Variants in GYS2 observed in about 807,000 individuals in gnomAD.
GYS2 encodes the protein glycogen [starch] synthase, liver.
In GYS2, 80 loss-of-function variants were observed where a neutral mutation model predicts 85.6. That is an observed-to-expected ratio of 0.93 (90% CI 0.78 to 1.13). GYS2 has a LOEUF of 1.13. Ranked by LOEUF, GYS2 falls within the 50% of genes most tolerant of loss-of-function variation. The pLI, the probability that GYS2 is intolerant of heterozygous loss-of-function variation, is 0.00. For missense variants in GYS2, 881 were observed against 854.9 expected, an observed-to-expected ratio of 1.03 and a Z score of -0.38; for synonymous variants, 328 against 300.7, an observed-to-expected ratio of 1.09 and a Z score of -0.94.
chr12:21,578,690 A>G (rs1944473658), intron 2 of GYS2, among the ~76,000 whole-genome samples: 2 of 152,092 alleles, frequency 1.3e-5, no homozygotes, highest in Admixed American at 1.3e-4. Context: ...ACTTGTATCT[A>G]GTATTTGCAT....
Position 21,546,582 on chromosome 12 carries a change from A to G in GYS2, c.1423-112T>C, listed in dbSNP as rs1364463307. On this transcript the variant is annotated intron_variant, in intron 11 of 15. Transcript: ENST00000261195. Reference sequence around the variant, plus strand: ...CTACTATAGAATCCTTATGTTCTAGATTCAGAAAGAAAAAAAGAGATAAGA... The same window carrying G: ...CTACTATAGAATCCTTATGTTCTAGGTTCAGAAAGAAAAAAAGAGATAAGA... 17 of 661,184 alleles carry G rather than the reference A, an allele frequency of 2.6e-5. No homozygotes were observed. In the South Asian group the frequency reaches 2.9e-4, roughly 11 times the overall value. 41.0% of individuals were successfully genotyped at this position (661,184 alleles called of 1,614,324 possible). A position where few individuals can be genotyped will look rare whatever the true frequency, so the allele number is the denominator to read the frequency against.
chr12:21,549,810 G>T (rs1268016180), intron 11 of GYS2, among the ~76,000 whole-genome samples: 1 of 152,030 alleles, frequency 6.6e-6, no homozygotes, highest in Non-Finnish European at 1.5e-5. Flanking sequence ...TAATGATGAT[G>T]TTTATTTTGA....
rs761984773 is a variant in GYS2 at position 21,580,332 on chromosome 12, G to C, written c.303+10C>G. On this transcript the variant is annotated intron_variant, in intron 2 of 15. Transcript: ENST00000261195. ...CTGAGAATTGCCAAGTGAAGTGTCAGTTCCTTTACCTGGCAGCCATGCTTA... is the reference window on the plus strand; with the variant it reads ...CTGAGAATTGCCAAGTGAAGTGTCACTTCCTTTACCTGGCAGCCATGCTTA... The C allele has an allele frequency of 1.2e-5, 19 of 1,610,320 alleles. No homozygotes were observed. Among genetic ancestry groups the C allele is most frequent in the Non-Finnish European group, 1.6e-5 (19 of 1,177,052 alleles).
At chr12:21,591,760 G>A (rs1167834319) in intron 1 of GYS2, among the ~76,000 whole-genome samples, 3 of 151,984 alleles carry the variant, frequency 2.0e-5, no homozygotes, top group Admixed American at 6.6e-5. Context: ...CACTTATAAG[G>A]GAACTTCCAC....
intron 12 of GYS2, 55 bp from the exon 13 acceptor site, chr12:21,542,646 A>G (rs1212034592): frequency 1.7e-6 from 2 of 1,154,730 alleles, no homozygotes; most frequent in Non-Finnish European, 2.6e-6. Flanking sequence ...ATATCCTTGT[A>G]TGCACTCAGA....
chr12:21,571,196 T>G (rs12372504), intron 4 of GYS2, among the ~76,000 whole-genome samples: 21,132 of 152,116 alleles, frequency 0.14, 1,570 homozygotes, highest in Middle Eastern at 0.16. Context: ...TGTGCATGCT[T>G]CTGCCTTTCC....
intron 15 of GYS2, 39 bp downstream of exon 15, chr12:21,539,219 G>T (rs1943943933): frequency 6.5e-6 from 7 of 1,079,304 alleles, no homozygotes; most frequent in South Asian, 2.6e-5. Flanking sequence ...CTTATAAAAA[G>T]AAATATAGCT....
At position 21,574,336 on chromosome 12, in the gene GYS2, GA is replaced by G. The variant is rs55692298; in HGVS notation, c.496-11del. 89 of 1,588,760 alleles carry G rather than the reference GA, an allele frequency of 5.6e-5. No homozygotes were observed. Among genetic ancestry groups the G allele is most frequent in the Admixed American group, 2.1e-4 (12 of 58,528 alleles). On this transcript the variant is annotated splice_polypyrimidine_tract_variant and intron_variant, in intron 3 of 15. Coordinates refer to ENST00000261195, the MANE Select transcript of GYS2 (RefSeq NM_021957.4). ...CTGCATGATCTGTCACCTACATTAGGAAAAAAAAAGCATTCAGAAAAGTTGT... is the reference window on the plus strand; with the variant it reads ...CTGCATGATCTGTCACCTACATTAGGAAAAAAAAGCATTCAGAAAAGTTGT...
At chr12:21,574,590 T>C (rs1944423887) in intron 3 of GYS2, among the ~76,000 whole-genome samples, 1 of 152,014 alleles carries the variant, frequency 6.6e-6, no homozygotes, top group African/African-American at 2.4e-5. Context: ...CTAATATTAA[T>C]AACAGGTAAT....
chr12:21,535,413 A>G (rs1943901607), downstream of GYS2, among the ~76,000 whole-genome samples: 1 of 151,872 alleles, frequency 6.6e-6, no homozygotes, highest in South Asian at 2.1e-4. Flanking sequence ...TATTTTTTCT[A>G]CTCTCCAGTA....
chr12:21,549,500 G>T (rs188112258), intron 11 of GYS2, among the ~76,000 whole-genome samples: 2 of 152,236 alleles, frequency 1.3e-5, no homozygotes, highest in Admixed American at 6.5e-5. Context: ...TGTTTCTGAT[G>T]ATTCAAATAG....
intron 1 of GYS2, among the ~76,000 whole-genome samples, chr12:21,586,009 G>C (rs1944568740): frequency 6.6e-6 from 1 of 152,188 alleles, no homozygotes; most frequent in Non-Finnish European, 1.5e-5. Context: ...CGATGGACTT[G>C]TGATGGTTAA....
Position 21,540,001 on chromosome 12 carries a change from C to T in GYS2, c.1809+409G>A, listed in dbSNP as rs1442516584. 2.6e-5 allele frequency among the ~76,000 whole-genome samples: 4 copies of T among 152,176 alleles called. No individual in the cohort carries two copies. In the East Asian group the frequency reaches 7.7e-4, roughly 29 times the overall value. On this transcript the variant is annotated intron_variant, in intron 14 of 15. Coordinates refer to ENST00000261195, the MANE Select transcript of GYS2 (RefSeq NM_021957.4). The stretch of plus-strand genomic sequence containing the variant: ...GAAAGGAGGTATTTCCTGTAGTCAT[C>T]ATTTTGAAAAACCATATTATACCCA...
At chr12:21,600,917 G>T (rs1249081704) in intron 1 of GYS2, among the ~76,000 whole-genome samples, 1 of 152,098 alleles carries the variant, frequency 6.6e-6, no homozygotes, top group Non-Finnish European at 1.5e-5. Flanking sequence ...TGAGGAGGAA[G>T]CAGGTAAATT....
At chr12:21,533,098 C>CGT (rs1943880531), downstream of GYS2, among the ~76,000 whole-genome samples, 1 of 152,024 alleles carries the variant, frequency 6.6e-6, no homozygotes, top group South Asian at 2.1e-4. Context: ...GGCTTCAACA[C>CGT]ACAGATACAT....
At chr12:21,546,529 T>G in intron 11 of GYS2, 59 bp from the exon 12 acceptor site, 2 of 1,192,394 alleles carry the variant, frequency 1.7e-6, no homozygotes, top group Non-Finnish European at 1.2e-6. Context: ...AAGTGAAAAA[T>G]CTCCTACAAT....
chr12:21,536,642 A>C lies in GYS2; in HGVS notation c.*312T>G. The C allele has an allele frequency of 2.6e-6, 1 of 379,060 alleles. No homozygotes were observed. Among genetic ancestry groups the C allele is most frequent in the South Asian group, 2.5e-5 (1 of 39,290 alleles). The allele number at this position is 379,060 out of a possible 1,614,324, so 23.5% of individuals were successfully genotyped here. A position where few individuals can be genotyped will look rare whatever the true frequency, so the allele number is the denominator to read the frequency against. ...CAAAGGATTATGATGATCATTTAAA[A>C]ATAAACAGAGTAAGAGAAAATCCTT... On this transcript the variant is annotated 3_prime_UTR_variant, in exon 16 of 16. Coordinates refer to ENST00000261195, the MANE Select transcript of GYS2 (RefSeq NM_021957.4).
intron 14 of GYS2, among the ~76,000 whole-genome samples, chr12:21,540,050 T>C (rs561363297): frequency 2.0e-5 from 3 of 152,352 alleles, no homozygotes; most frequent in Non-Finnish European, 4.4e-5. Flanking sequence ...TTGAGAAATA[T>C]GACTACACTA....
intron 11 of GYS2, among the ~76,000 whole-genome samples, chr12:21,557,362 A>T (rs1366241657): frequency 6.6e-6 from 1 of 152,216 alleles, no homozygotes; most frequent in Non-Finnish European, 1.5e-5. Flanking sequence ...ACCAGCTCTT[A>T]TTCATATAAA....
Sources: allele counts gnomAD v4.1 joint callset (sites outside exome capture counted in the v4.1 genomes callset), GRCh38; gene constraint gnomAD v4.1.1; transcripts MANE v1.5; gene names NCBI Gene and HGNC (gene_info 2026-07-23, HGNC 2026-07-21).